ZNF536: variants seen among roughly 807,000 people sequenced by gnomAD.
ZNF536 encodes the protein zinc finger protein 536.
A neutral mutation model predicts 84.5 loss-of-function variants in ZNF536; 13 were observed. That is an observed-to-expected ratio of 0.15 (90% CI 0.10 to 0.24). ZNF536 has a LOEUF of 0.24. Among genes scored for constraint, ZNF536 ranks in the 10% least tolerant of loss-of-function variants. The probability of loss-of-function intolerance (pLI) is 1.00; values close to 1 mark genes in which losing one functional copy is unlikely to be tolerated. For missense variants in ZNF536, 1,536 were observed against 1,747.5 expected (o/e 0.88, Z 2.16); for synonymous variants, 811 against 742.5 (o/e 1.09, Z -1.50).
At chr19:30,301,380 T>C (rs532507113) in intron 2 of ZNF536, among the ~76,000 whole-genome samples, 1 of 152,332 alleles carries the variant, frequency 6.6e-6, no homozygotes, top group South Asian at 2.1e-4. Flanking sequence ...GCGGACGCTG[T>C]TGCTTTAGCT....
In ZNF536 at chr19:30,471,486, G is replaced by T. The variant is rs777878996; in HGVS notation, c.2170+25754G>T. On this transcript the variant is annotated intron_variant, in intron 2 of 4. Coordinates refer to ENST00000355537, the MANE Select transcript of ZNF536 (RefSeq NM_014717.3). ...GGCTCCTGGGTGACGTGCACAGGTC[G>T]CAGTCCCATGAGACTGGTCTTGTTT... Among the ~76,000 whole-genome samples the T allele has an allele frequency of 2.6e-5, 4 of 152,326 alleles. No individual in the cohort carries two copies. The South Asian group carries it at 6.2e-4, about 24-fold the overall frequency.
intron 2 of ZNF536, among the ~76,000 whole-genome samples, chr19:30,309,958 G>A (rs1225147073): frequency 6.6e-6 from 1 of 152,052 alleles, no homozygotes; most frequent in Non-Finnish European, 1.5e-5. Context: ...GTGGGGAGGG[G>A]CAGGGACAAG....
chr19:30,477,706 A>G (rs190026074), intron 2 of ZNF536, among the ~76,000 whole-genome samples: 1 of 152,342 alleles, frequency 6.6e-6, no homozygotes, highest in East Asian at 1.9e-4. Flanking sequence ...GCTTTGCTGA[A>G]GACAGCAGTG....
At chr19:30,360,864 C>T (rs2048250949) in intron 3 of ZNF536, among the ~76,000 whole-genome samples, 1 of 152,216 alleles carries the variant, frequency 6.6e-6, no homozygotes, top group Admixed American at 6.5e-5. Context: ...TTATTAGCGA[C>T]AAAGGACTTT....
chr19:30,260,535 G>A (rs114723607), intron 1 of ZNF536, among the ~76,000 whole-genome samples: 1,729 of 152,304 alleles, frequency 0.011, 31 homozygotes, highest in African/African-American at 0.039. Flanking sequence ...GTTGCATGTC[G>A]GCCATTGGCA....
intron 2 of ZNF536, among the ~76,000 whole-genome samples, chr19:30,465,726 A>G (rs1285149828): frequency 1.7e-5 from 2 of 116,774 alleles, no homozygotes; most frequent in Non-Finnish European, 3.2e-5. Flanking sequence ...TATCATGTCT[A>G]TAAAAATTAT....
chr19:30,322,076 A>C (rs2046876863), intron 2 of ZNF536, among the ~76,000 whole-genome samples: 3 of 152,116 alleles, frequency 2.0e-5, no homozygotes, highest in Admixed American at 1.3e-4. Flanking sequence ...GTCTGGCCTC[A>C]TCTTCCCTTG....
At chr19:30,648,602 A>G (rs555683012) in intron 1 of ZNF536, among the ~76,000 whole-genome samples, 38 of 152,230 alleles carry the variant, frequency 2.5e-4, no homozygotes, top group African/African-American at 9.1e-4. Flanking sequence ...ATGAGTCATA[A>G]ATAGTCCTTT....
At chr19:30,408,046 C>G (rs1358573989) in intron 1 of ZNF536, among the ~76,000 whole-genome samples, 2 of 152,142 alleles carry the variant, frequency 1.3e-5, no homozygotes, top group African/African-American at 4.8e-5. Flanking sequence ...CATCACCAAC[C>G]CTGAAGGGGT....
intron 2 of ZNF536, among the ~76,000 whole-genome samples, chr19:30,340,395 A>G (rs912586813): frequency 2.0e-5 from 3 of 151,764 alleles, no homozygotes; most frequent in African/African-American, 7.3e-5. Flanking sequence ...CAGCCCCTGG[A>G]CTCCCCCTAC....
At chr19:30,256,289 C>T (rs2024914074) in intron 1 of ZNF536, among the ~76,000 whole-genome samples, 2 of 152,162 alleles carry the variant, frequency 1.3e-5, no homozygotes, top group African/African-American at 4.8e-5. Context: ...TCCAAGACGT[C>T]GTATGCGATT....
At chr19:30,649,549 CT>C (rs35137042) in intron 1 of ZNF536, among the ~76,000 whole-genome samples, 65,501 of 123,646 alleles carry the variant, frequency 0.53, 14,592 homozygotes, top group East Asian at 0.62. Context: ...CAGCATTTTC[CT>C]TTTTTTTTTT....
downstream of ZNF536, among the ~76,000 whole-genome samples, chr19:30,558,421 C>A (rs538116284): frequency 2.6e-5 from 4 of 152,246 alleles, no homozygotes; most frequent in South Asian, 8.3e-4. Flanking sequence ...TACTTGGGCA[C>A]GGAGTATGCC....
At chr19:30,686,273 CACT>C (rs771624780) in intron 1 of ZNF536, among the ~76,000 whole-genome samples, 13 of 150,480 alleles carry the variant, frequency 8.6e-5, no homozygotes, top group Non-Finnish European at 1.5e-4. Context: ...CACACACACA[CACT>C]TTTTTTTTTC....
intron 2 of ZNF536, among the ~76,000 whole-genome samples, chr19:30,341,539 G>C (rs1436544195): frequency 6.6e-6 from 1 of 152,084 alleles, no homozygotes; most frequent in African/African-American, 2.4e-5. Flanking sequence ...TTGGTCCCTT[G>C]CTATTCTGCA....
At chr19:30,527,052 G>T (rs546334247) in intron 2 of ZNF536, among the ~76,000 whole-genome samples, 32 of 151,614 alleles carry the variant, frequency 2.1e-4, no homozygotes, top group Admixed American at 1.3e-3. Flanking sequence ...CCGAATAGCC[G>T]GGACTACAGG....
intron 1 of ZNF536, among the ~76,000 whole-genome samples, chr19:30,571,404 A>G (rs73924779): frequency 0.028 from 4,232 of 152,332 alleles, 171 homozygotes; most frequent in African/African-American, 0.079. Context: ...TGTGTCTGAC[A>G]CACAGGCTAA....
chr19:30,410,463 G>GTAT (rs1165876265), intron 1 of ZNF536, among the ~76,000 whole-genome samples: 1 of 94,696 alleles, frequency 1.1e-5, no homozygotes, highest in Non-Finnish European at 1.9e-5. Context: ...AAAAGTGAAG[G>GTAT]TCTTTTTTTT....
intron 2 of ZNF536, among the ~76,000 whole-genome samples, chr19:30,299,630 A>T (rs996468055): frequency 6.6e-6 from 1 of 152,206 alleles, no homozygotes; most frequent in African/African-American, 2.4e-5. Context: ...GGAATATGGC[A>T]TTCACTAGTT....
Sources: allele counts gnomAD v4.1 joint callset (sites outside exome capture counted in the v4.1 genomes callset), GRCh38; gene constraint gnomAD v4.1.1; transcripts MANE v1.5; gene names NCBI Gene and HGNC (gene_info 2026-07-23, HGNC 2026-07-21).